Variants in ALG6 observed in about 807,000 individuals in gnomAD.
ALG6 encodes dolichyl pyrophosphate Man9GlcNAc2 alpha-1,3-glucosyltransferase.
A neutral mutation model predicts 66.6 loss-of-function variants in ALG6; 46 were observed. The observed-to-expected ratio is 0.69, with a 90% CI of 0.55 to 0.88. ALG6 has a LOEUF of 0.88. Among genes scored for constraint, ALG6 ranks in the 40% least tolerant of loss-of-function variants. ALG6 has a pLI of 0.00. For synonymous variants in ALG6, 185 were observed against 203.7 expected (o/e 0.91, Z 0.78); for missense variants, 505 against 586.8 (o/e 0.86, Z 1.44).
At chr1:63,434,057 G>A (rs1644663449) in intron 14 of ALG6, among the ~76,000 whole-genome samples, 1 of 152,098 alleles carries the variant, frequency 6.6e-6, no homozygotes, top group African/African-American at 2.4e-5. Flanking sequence ...GCTGGGTGAG[G>A]GAAAGAAATA....
intron 11 of ALG6, among the ~76,000 whole-genome samples, chr1:63,418,485 C>A (rs900510005): frequency 6.6e-6 from 1 of 151,844 alleles, no homozygotes; most frequent in Non-Finnish European, 1.5e-5. Flanking sequence ...GAAGTGGCTG[C>A]TGTAAAATGA....
chr1:63,391,667 C>G (rs1263011602), intron 2 of ALG6, among the ~76,000 whole-genome samples: 2 of 152,196 alleles, frequency 1.3e-5, no homozygotes, highest in Admixed American at 6.5e-5. Context: ...TGTGGAAACT[C>G]AGGTTAGCTT....
intron 2 of ALG6, among the ~76,000 whole-genome samples, chr1:63,374,100 A>G (rs778873429): frequency 2.0e-4 from 31 of 152,218 alleles, no homozygotes; most frequent in South Asian, 8.3e-4. Context: ...GACAACCAAT[A>G]AATGACAACT....
At chr1:63,389,063 A>G (rs1360660063) in intron 2 of ALG6, among the ~76,000 whole-genome samples, 2 of 152,050 alleles carry the variant, frequency 1.3e-5, no homozygotes, top group African/African-American at 4.8e-5. Flanking sequence ...ATTTGCATTA[A>G]ATCTGCTTGG....
chr1:63,415,904 G>T lies in ALG6; in HGVS notation c.934G>T (p.Ala312Ser). ...FCSTFLSLLPACIKLILQPSS... is the reference protein window; with the variant it reads ...FCSTFLSLLPSCIKLILQPSS... ...TTCTACGTTTTTGAGCCTGCTTCCT[G>T]CATGCATAAAATTAATACTTCAGCC... is the stretch of plus-strand genomic sequence containing the variant. The change falls in exon 11 of 15, where the codon GCA becomes TCA. Residue 312 changes from alanine to serine, a missense_variant. Ala to Ser is a moderately conservative substitution (Grantham distance 99). Coordinates refer to ENST00000263440, the MANE Select transcript of ALG6 (RefSeq NM_013339.4). 2.5e-6 allele frequency: 4 copies of T among 1,611,658 alleles called. No homozygotes were observed. The highest frequency in any genetic ancestry group is 3.4e-6 in the Non-Finnish European group (4 of 1,178,336).
intron 8 of ALG6, 105 bp downstream of exon 8, chr1:63,411,436 C>A (rs1644515495): frequency 1.8e-6 from 2 of 1,095,042 alleles, no homozygotes; most frequent in Non-Finnish European, 2.6e-6. Flanking sequence ...TTGGTGATTT[C>A]TTATAAATAT....
chr1:63,378,341 T>C (rs1165275764), intron 2 of ALG6, among the ~76,000 whole-genome samples: 4 of 152,234 alleles, frequency 2.6e-5, no homozygotes, highest in East Asian at 3.8e-4. Context: ...TTAACTGTTA[T>C]TCTTTTGTAG....
intron 12 of ALG6, among the ~76,000 whole-genome samples, chr1:63,419,965 A>C (rs1374355653): frequency 6.6e-6 from 1 of 152,140 alleles, no homozygotes; most frequent in Non-Finnish European, 1.5e-5. Flanking sequence ...GACAGCTGGG[A>C]GTATGATATC....
chr1:63,400,931 C>T (rs181649237), intron 3 of ALG6, among the ~76,000 whole-genome samples: 2 of 152,154 alleles, frequency 1.3e-5, no homozygotes, highest in African/African-American at 2.4e-5. Context: ...ATAATTGGTG[C>T]CTGTCTTCAG....
intron 2 of ALG6, among the ~76,000 whole-genome samples, chr1:63,387,541 T>C (rs1353631287): frequency 1.8e-5 from 2 of 112,762 alleles, no homozygotes; most frequent in African/African-American, 7.0e-5. Flanking sequence ...TCTTTTTTTT[T>C]TTTTTTTTTT....
Position 63,400,268 on chromosome 1 carries a change from CGTATAT to C in ALG6, c.168-1985_168-1980del, listed in dbSNP as rs1644450806. Among the ~76,000 whole-genome samples, 9 of 12,968 alleles carry C rather than the reference CGTATAT, an allele frequency of 6.9e-4. 1 individual carries two copies. Among genetic ancestry groups the C allele is most frequent in the East Asian group, 3.6e-3 (2 of 558 alleles). 8.5% of individuals were successfully genotyped at this position (12,968 alleles called of 152,430 possible). A position where few individuals can be genotyped will look rare whatever the true frequency, so the allele number is the denominator to read the frequency against. ...ACGTATATATATGTATATATATATA[CGTATAT>C]ATATATACGTATATATATATACGTA... is the stretch of plus-strand genomic sequence containing the variant. On this transcript the variant is annotated intron_variant, in intron 3 of 14. Transcript: ENST00000263440.
At chr1:63,398,823 G>A (rs899900945) in intron 3 of ALG6, among the ~76,000 whole-genome samples, 2 of 151,988 alleles carry the variant, frequency 1.3e-5, no homozygotes, top group African/African-American at 4.8e-5. Context: ...TTTCCCCCGT[G>A]TTTGTAGTGG....
At chr1:63,399,357 T>C (rs1644432188) in intron 3 of ALG6, among the ~76,000 whole-genome samples, 1 of 152,188 alleles carries the variant, frequency 6.6e-6, no homozygotes, top group Non-Finnish European at 1.5e-5. Flanking sequence ...TTGTATTAGT[T>C]AGATGCAAAT....
Position 63,422,167 on chromosome 1 carries a change from C to A in ALG6, c.1058+2727C>A, listed in dbSNP as rs867415467. Among the ~76,000 whole-genome samples, 90 of 67,222 alleles carry A rather than the reference C, an allele frequency of 1.3e-3. 2 individuals are homozygous for A. Among genetic ancestry groups the A allele is most frequent in the African/African-American group, 3.5e-3 (60 of 17,160 alleles). The allele number at this position is 67,222 out of a possible 152,430, so 44.1% of individuals were successfully genotyped here. Reference sequence around the variant, plus strand: ...TATATAAATATAAATATATATATAACTATGAATTTATATTTATATAAATAT... The same window carrying A: ...TATATAAATATAAATATATATATAAATATGAATTTATATTTATATAAATAT... On this transcript the variant is annotated intron_variant, in intron 12 of 14. Transcript: ENST00000263440.
intron 2 of ALG6, among the ~76,000 whole-genome samples, chr1:63,371,455 G>C (rs1284639946): frequency 6.6e-6 from 1 of 152,126 alleles, no homozygotes; most frequent in Non-Finnish European, 1.5e-5. Context: ...AGGGGGAATT[G>C]ATGGAGTGTG....
At position 63,367,903 on chromosome 1, in the gene ALG6, G is replaced by T. The variant is rs75502742; in HGVS notation, c.-208+216G>T. 0.024 allele frequency among the ~76,000 whole-genome samples: 3,702 copies of T among 152,310 alleles called. 117 individuals are homozygous for T. The highest frequency in any genetic ancestry group is 0.078 in the African/African-American group (3,235 of 41,560). ...GTGATAGTGGTGGCACTTGCAGGCTGGGGCGGTCCTGGCACCCTTGTCCTT... is the reference window on the plus strand; with the variant it reads ...GTGATAGTGGTGGCACTTGCAGGCTTGGGCGGTCCTGGCACCCTTGTCCTT... On this transcript the variant is annotated intron_variant, in intron 1 of 14. Coordinates refer to ENST00000263440, the MANE Select transcript of ALG6 (RefSeq NM_013339.4).
intron 12 of ALG6, among the ~76,000 whole-genome samples, chr1:63,426,057 G>A (rs543893352): frequency 1.3e-5 from 2 of 152,234 alleles, no homozygotes; most frequent in Non-Finnish European, 2.9e-5. Flanking sequence ...TGAGAGGGAA[G>A]ATCTATGTAT....
At chr1:63,399,172 C>T (rs1644431021) in intron 3 of ALG6, among the ~76,000 whole-genome samples, 1 of 152,182 alleles carries the variant, frequency 6.6e-6, no homozygotes. Context: ...TCCTAGAGCT[C>T]ACATGCCATT....
chr1:63,431,140 CT>C (rs1242033533), intron 14 of ALG6, among the ~76,000 whole-genome samples: 5 of 152,082 alleles, frequency 3.3e-5, no homozygotes, highest in Admixed American at 6.5e-5. Context: ...ATCAGTTGTT[CT>C]TAAATGTAAG....
Sources: gnomAD v4.1 joint callset for allele counts (sites outside exome capture counted in the v4.1 genomes callset) on GRCh38, gnomAD v4.1.1 for gene constraint, MANE v1.5 for transcripts, NCBI Gene and HGNC (gene_info 2026-07-23, HGNC 2026-07-21) for gene names.